The following WNT9B variants were observed in gnomAD, a reference collection of about 807,000 sequenced individuals.
WNT9B encodes the protein protein Wnt-9b.
In WNT9B, 12 loss-of-function variants were observed where a neutral mutation model predicts 30.2. That is an observed-to-expected ratio of 0.40 (90% CI 0.26 to 0.64). The LOEUF is 0.64. Among genes scored for constraint, WNT9B ranks in the 30% least tolerant of loss-of-function variants. The pLI, the probability that WNT9B is intolerant of heterozygous loss-of-function variation, is 0.42. For missense variants in WNT9B, 442 were observed against 485.2 expected (o/e 0.91, Z 0.84); for synonymous variants, 218 against 216.9 (o/e 1.01, Z -0.05).
chr17:46,851,783 G>A lies in WNT9B; in HGVS notation c.77+68G>A, dbSNP rs2084851203. On this transcript the variant is annotated intron_variant, in intron 1 of 3. Coordinates refer to ENST00000290015, the MANE Select transcript of WNT9B (RefSeq NM_003396.3). This position sits in a 1 kb window ranked among gnomAD's most constrained non-coding sequence, Gnocchi z 4.3. The stretch of plus-strand genomic sequence containing the variant: ...GTCTCTCCCTCCTGCGCTACAGCTG[G>A]GCCAATTTTTCCCTCCCGCTGTCCT... 1.2e-6 allele frequency: 1 copy of A among 868,782 alleles called. No homozygotes were observed. The highest frequency in any genetic ancestry group is 4.4e-5 in the South Asian group (1 of 22,764). The allele number at this position is 868,782 out of a possible 1,614,324, so 53.8% of individuals were successfully genotyped here. A position where few individuals can be genotyped will look rare whatever the true frequency, so the allele number is the denominator to read the frequency against.
chr17:46,849,849 C>CTTTTTTTTT (rs761797393), upstream of WNT9B, among the ~76,000 whole-genome samples: 4 of 145,750 alleles, frequency 2.7e-5, no homozygotes, highest in Non-Finnish European at 1.5e-5. Flanking sequence ...CATTTAATAT[C>CTTTTTTTTT]TTTTTTTTTT....
intron 1 of WNT9B, among the ~76,000 whole-genome samples, chr17:46,867,491 C>T (rs1336672368): frequency 2.0e-5 from 3 of 152,216 alleles, no homozygotes; most frequent in Non-Finnish European, 2.9e-5. Flanking sequence ...ACCAGACTAC[C>T]TAGGCCAGAA....
At chr17:46,881,761 A>G (rs2085425954), downstream of WNT9B, among the ~76,000 whole-genome samples, 6 of 152,224 alleles carry the variant, frequency 3.9e-5, no homozygotes, top group South Asian at 1.2e-3. Flanking sequence ...CTTTAAAAAC[A>G]GCCACATGTG....
At chr17:46,869,873 C>T (rs1351401738) in intron 1 of WNT9B, among the ~76,000 whole-genome samples, 2 of 152,048 alleles carry the variant, frequency 1.3e-5, no homozygotes, top group Non-Finnish European at 2.9e-5. Flanking sequence ...GTGGCGCACA[C>T]CTGTAGTCCC....
intron 2 of WNT9B, 116 bp downstream of exon 2, chr17:46,872,889 C>T (rs1435515752): frequency 2.4e-5 from 30 of 1,235,538 alleles, no homozygotes; most frequent in Non-Finnish European, 3.2e-5. Context: ...GCCACACTGC[C>T]CTTCCTGCCC....
chr17:46,863,662 G>A (rs953563493), intron 1 of WNT9B, among the ~76,000 whole-genome samples: 2 of 152,176 alleles, frequency 1.3e-5, no homozygotes, highest in African/African-American at 2.4e-5. Context: ...GCTATAAAAG[G>A]TTCCAGGGTA....
chr17:46,857,920 T>TTTGTTG (rs34491793), intron 1 of WNT9B, among the ~76,000 whole-genome samples: 41 of 151,420 alleles, frequency 2.7e-4, no homozygotes, highest in African/African-American at 7.3e-4. Flanking sequence ...CTTTATGTAT[T>TTTGTTG]TTGTTGTTGT....
chr17:46,846,626 G>A (rs2084778901), upstream of WNT9B, among the ~76,000 whole-genome samples: 1 of 152,248 alleles, frequency 6.6e-6, no homozygotes, highest in Non-Finnish European at 1.5e-5. Flanking sequence ...TGGGTGGGGG[G>A]CCACCAAAGG....
rs375739988 is a variant in WNT9B at position 46,875,128 on chromosome 17, C to T, written c.362C>T (p.Ala121Val). Reference protein sequence around the residue: ...RGFKETAFLYAVSSAALTHTL... With the variant: ...RGFKETAFLYVVSSAALTHTL... ...TTCAAAGAGACAGCTTTCCTGTACG[C>T]GGTGTCCTCTGCCGCCCTCACCCAC... is the stretch of plus-strand genomic sequence containing the variant. The change falls in exon 3 of 4, where the codon GCG becomes GTG. Residue 121 changes from alanine to valine, a missense_variant. By Grantham distance (64) the Ala-to-Val change is moderately conservative. Coordinates refer to ENST00000290015, the MANE Select transcript of WNT9B (RefSeq NM_003396.3). The T allele has an allele frequency of 2.6e-5, 42 of 1,613,802 alleles. No homozygotes were observed. The highest frequency in any genetic ancestry group is 5.5e-5 in the South Asian group (5 of 91,094).
At chr17:46,838,490 G>A (rs1033595824) in intron 1 of WNT9B, among the ~76,000 whole-genome samples, 1 of 151,972 alleles carries the variant, frequency 6.6e-6, no homozygotes. Flanking sequence ...AGCTGGGCAT[G>A]GTGGTATTCG....
At chr17:46,845,785 CTTTTT>C (rs34253824) in intron 1 of WNT9B, among the ~76,000 whole-genome samples, 84 of 86,778 alleles carry the variant, frequency 9.7e-4, no homozygotes, top group African/African-American at 3.4e-3. Context: ...ACTGTGCTGG[CTTTTT>C]TTTTTTTTTT....
intron 1 of WNT9B, among the ~76,000 whole-genome samples, chr17:46,857,012 T>A (rs759743649): frequency 6.6e-6 from 1 of 152,190 alleles, no homozygotes; most frequent in East Asian, 1.9e-4. Context: ...CATGAAATTG[T>A]GAGTATATAG....
At chr17:46,862,023 C>T (rs1205554664) in intron 1 of WNT9B, among the ~76,000 whole-genome samples, 1 of 151,786 alleles carries the variant, frequency 6.6e-6, no homozygotes, top group African/African-American at 2.4e-5. Flanking sequence ...AATAGCTGGG[C>T]GTGGTGACAG....
downstream of WNT9B, chr17:46,885,129 C>T (rs1467048760): frequency 2.5e-6 from 1 of 401,100 alleles, no homozygotes; most frequent in Admixed American, 3.1e-5. Flanking sequence ...ACTGGGATTA[C>T]AGGCATGCAC....
intron 1 of WNT9B, among the ~76,000 whole-genome samples, chr17:46,863,089 C>T (rs539147410): frequency 2.0e-5 from 3 of 148,210 alleles, no homozygotes; most frequent in Admixed American, 1.4e-4. Context: ...GGAGAGCATA[C>T]GCCAGCAATC....
At chr17:46,838,610 G>C (rs937865665) in intron 1 of WNT9B, among the ~76,000 whole-genome samples, 2 of 152,112 alleles carry the variant, frequency 1.3e-5, no homozygotes, top group Non-Finnish European at 2.9e-5. Context: ...CTGGGCGACA[G>C]AGCGAGACCC....
At chr17:46,837,726 C>A (rs1394115503) in intron 1 of WNT9B, among the ~76,000 whole-genome samples, 1 of 152,176 alleles carries the variant, frequency 6.6e-6, no homozygotes, top group Non-Finnish European at 1.5e-5. Context: ...AGGGATGGCT[C>A]ATGGTCAGTG....
chr17:46,846,787 G>A (rs2084780412), upstream of WNT9B, among the ~76,000 whole-genome samples: 1 of 152,246 alleles, frequency 6.6e-6, no homozygotes, highest in Admixed American at 6.5e-5. Context: ...TGAGGAAGAA[G>A]AGGGAGGGAG....
rs536835199 is a variant in WNT9B, at chr17:46,879,777, C to T, written c.*3059C>T. On this transcript the variant is annotated 3_prime_UTR_variant, in exon 4 of 4. Transcript: ENST00000290015. ...CTGTGAGCCCAAGAACTCAGGGAAGCAGTTCCTTCCCAGGCTGTGATCCCA... is the reference window on the plus strand; with the variant it reads ...CTGTGAGCCCAAGAACTCAGGGAAGTAGTTCCTTCCCAGGCTGTGATCCCA... 1.3e-5 allele frequency among the ~76,000 whole-genome samples: 2 copies of T among 152,374 alleles called. No homozygotes were observed. The highest frequency in any genetic ancestry group is 4.1e-4 in the South Asian group (2 of 4,832).
Sources: allele counts gnomAD v4.1 joint callset (sites outside exome capture counted in the v4.1 genomes callset), GRCh38; gene constraint gnomAD v4.1.1; non-coding constraint Gnocchi (gnomAD v3.1); transcripts MANE v1.5; gene names NCBI Gene and HGNC (gene_info 2026-07-23, HGNC 2026-07-21).